Variants in PKD1L3 observed in about 807,000 individuals in gnomAD.
The protein encoded by PKD1L3 is polycystin-1-like protein 3.
In PKD1L3, 239 loss-of-function variants were observed where a neutral mutation model predicts 184.1. The ratio of observed to expected loss-of-function variants is 1.30; its 90% CI spans 1.17 to 1.45. The LOEUF is 1.45. PKD1L3 is among the 40% of genes most tolerant of loss of function. The pLI, the probability that PKD1L3 is intolerant of heterozygous loss-of-function variation, is 0.00. For missense variants in PKD1L3, 2,660 were observed against 2,067.2 expected (o/e 1.29, Z -5.56); for synonymous variants, 996 against 778.8 (o/e 1.28, Z -4.64).
rs1216565122 is a variant in PKD1L3 at position 71,952,992 on chromosome 16, T to A, written c.2911A>T (p.Ile971Phe). 2.6e-6 allele frequency: 4 copies of A among 1,549,442 alleles called. No homozygotes were observed. Among genetic ancestry groups the A allele is most frequent in the Non-Finnish European group, 3.5e-6 (4 of 1,146,190 alleles). The change falls in exon 18 of 30, where the codon ATT becomes TTT. Residue 971 changes from isoleucine (I) to phenylalanine (F), a missense_variant. Transcript: ENST00000620267. The part of the protein sequence containing the change: ...NLVIGRLFPL[I>F]EPQETLPLFP... The stretch of plus-strand genomic sequence containing the variant: ...AGGGGCAGAGTCTCCTGTGGCTCAA[T>A]CAACGGGAAGAGCCGCCCTATGACA...
chr16:71,954,800 G>A (rs2038982621), intron 16 of PKD1L3, among the ~76,000 whole-genome samples: 1 of 152,186 alleles, frequency 6.6e-6, no homozygotes, highest in African/African-American at 2.4e-5. Flanking sequence ...AGAAAACAAG[G>A]TGGTCAGAGT....
rs1260649060 is a variant in PKD1L3 at position 71,978,341 on chromosome 16, T to C, written c.1441A>G (p.Arg481Gly). 1.3e-6 allele frequency: 2 copies of C among 1,550,850 alleles called. No homozygotes were observed. The highest frequency in any genetic ancestry group is 1.7e-6 in the Non-Finnish European group (2 of 1,146,482). The change falls in exon 10 of 30, where the codon AGA (arginine) becomes GGA (glycine). Residue 481 changes from arginine to glycine, a missense_variant. Physicochemically the swap from Arg to Gly is moderately radical, Grantham distance 125. Coordinates refer to ENST00000620267, the MANE Select transcript of PKD1L3 (RefSeq NM_181536.2). ...CTTCCAATGCTTCCAACAATGTTTC[T>C]GTTGTCCAAATCCTTGAAGGGATTG... is the stretch of plus-strand genomic sequence containing the variant. The part of the protein sequence containing the change: ...AFNPFKDLDN[R>G]NIVGSIGSVL...
At chr16:71,967,051 T>C in intron 15 of PKD1L3, 86 bp downstream of exon 15, 1 of 1,392,410 alleles carries the variant, frequency 7.2e-7, no homozygotes, top group Non-Finnish European at 9.7e-7. Flanking sequence ...GCTCAAAGCT[T>C]TACTGTGATT....
At chr16:71,953,913 T>G (rs945501176) in intron 17 of PKD1L3, among the ~76,000 whole-genome samples, 192 bp downstream of exon 17, 4 of 152,106 alleles carry the variant, frequency 2.6e-5, no homozygotes, top group African/African-American at 9.7e-5. Flanking sequence ...TAGTGGAGTT[T>G]AGTTAAAGTA....
At chr16:71,981,304 A>G (rs554040415) in intron 7 of PKD1L3, among the ~76,000 whole-genome samples, 1 of 152,278 alleles carries the variant, frequency 6.6e-6, no homozygotes, top group South Asian at 2.1e-4. Context: ...CAACTGATAA[A>G]TTGTTTTCCA....
intron 21 of PKD1L3, 81 bp downstream of exon 21, chr16:71,949,702 T>G: frequency 1.6e-6 from 2 of 1,268,878 alleles, no homozygotes; most frequent in Non-Finnish European, 2.2e-6. Context: ...TCAAAACCAC[T>G]AGGCACCTTG....
chr16:71,949,637 G>A (rs577351594), intron 21 of PKD1L3, 146 bp downstream of exon 21: 55 of 750,466 alleles, frequency 7.3e-5, no homozygotes, highest in Non-Finnish European at 1.0e-4. Context: ...ACATGTGTGA[G>A]CCACTACACC....
chr16:71,946,979 G>A (rs928288548), intron 22 of PKD1L3, among the ~76,000 whole-genome samples: 4 of 150,302 alleles, frequency 2.7e-5, no homozygotes, highest in Admixed American at 6.6e-5. Flanking sequence ...AGGGGAGTCC[G>A]GGGGCGGTGG....
intron 16 of PKD1L3, among the ~76,000 whole-genome samples, chr16:71,959,600 G>C (rs761438396): frequency 3.9e-5 from 6 of 152,070 alleles, no homozygotes; most frequent in African/African-American, 1.2e-4. Flanking sequence ...TTGGGAGAGA[G>C]GTTACTCAAG....
intron 23 of PKD1L3, among the ~76,000 whole-genome samples, chr16:71,943,554 A>AC (rs1366422936): frequency 2.6e-5 from 4 of 151,348 alleles, no homozygotes; most frequent in African/African-American, 7.3e-5. Context: ...AAAAAAAAAA[A>AC]AAAACATAAA....
In PKD1L3 at chr16:71,967,621, C is replaced by T. The variant is rs568344793; in HGVS notation, c.2286+285G>A. Reference sequence around the variant, plus strand: ...CTGTGATTATAGTCATGGGCCATCACGCTCAGCTAATTTCTGCATTTTTAG... The same window carrying T: ...CTGTGATTATAGTCATGGGCCATCATGCTCAGCTAATTTCTGCATTTTTAG... On this transcript the variant is annotated intron_variant, in intron 14 of 29. Coordinates refer to ENST00000620267, the MANE Select transcript of PKD1L3 (RefSeq NM_181536.2). Among the ~76,000 whole-genome samples the T allele has an allele frequency of 3.9e-5, 6 of 152,202 alleles. No homozygotes were observed. In the South Asian group the frequency reaches 6.2e-4, roughly 16 times the overall value.
intron 16 of PKD1L3, among the ~76,000 whole-genome samples, chr16:71,955,010 T>C (rs752335815): frequency 3.9e-5 from 6 of 152,086 alleles, no homozygotes; most frequent in Non-Finnish European, 8.8e-5. Flanking sequence ...AAAAAACCTC[T>C]GTAGGGCTAC....
chr16:71,939,201 G>T (rs139611694), intron 24 of PKD1L3, among the ~76,000 whole-genome samples: 31 of 152,348 alleles, frequency 2.0e-4, no homozygotes, highest in Non-Finnish European at 4.1e-4. Flanking sequence ...ACATAGAGCT[G>T]CCCAACTCAC....
intron 3 of PKD1L3, among the ~76,000 whole-genome samples, chr16:71,991,607 A>T (rs767141915): frequency 6.6e-6 from 1 of 152,250 alleles, no homozygotes; most frequent in Non-Finnish European, 1.5e-5. Flanking sequence ...TTTTTCATTT[A>T]AAGAGTACAG....
chr16:71,938,704 G>C (rs1305062691), intron 24 of PKD1L3, among the ~76,000 whole-genome samples: 4 of 152,234 alleles, frequency 2.6e-5, no homozygotes, highest in Non-Finnish European at 5.9e-5. Flanking sequence ...CCTGCAGATA[G>C]GAGCTACCCA....
chr16:71,966,912 G>C (rs1398392455), intron 15 of PKD1L3, among the ~76,000 whole-genome samples: 4 of 152,092 alleles, frequency 2.6e-5, no homozygotes, highest in Admixed American at 2.6e-4. Context: ...TGAGATTAGA[G>C]AAAACAAAAC....
At chr16:71,962,888 C>A (rs934106133) in intron 16 of PKD1L3, among the ~76,000 whole-genome samples, 82 of 152,194 alleles carry the variant, frequency 5.4e-4, no homozygotes, top group Non-Finnish European at 2.9e-5. Flanking sequence ...GTAGTGGTAT[C>A]CTTTTTATAT....
intron 2 of PKD1L3, among the ~76,000 whole-genome samples, chr16:71,994,592 A>G (rs1365578385): frequency 6.6e-6 from 1 of 152,086 alleles, no homozygotes; most frequent in Non-Finnish European, 1.5e-5. Flanking sequence ...CTCATGAACT[A>G]TTGCCCCAGC....
At chr16:71,996,852 T>C (rs1434174614) in intron 2 of PKD1L3, among the ~76,000 whole-genome samples, 3 of 152,242 alleles carry the variant, frequency 2.0e-5, no homozygotes, top group East Asian at 1.9e-4. Flanking sequence ...TGAAGGTTTG[T>C]AGCAGCATGA....
Sources: allele counts gnomAD v4.1 joint callset (sites outside exome capture counted in the v4.1 genomes callset), GRCh38; gene constraint gnomAD v4.1.1; transcripts MANE v1.5; gene names NCBI Gene and HGNC (gene_info 2026-07-23, HGNC 2026-07-21).